The following LMTK2 variants were observed in gnomAD, a reference collection of about 807,000 sequenced individuals.
LMTK2 encodes the protein lemur tail kinase 2.
In LMTK2, 37 loss-of-function variants were observed where a neutral mutation model predicts 127.5. The ratio of observed to expected loss-of-function variants is 0.29; its 90% CI spans 0.22 to 0.38. The LOEUF is 0.38. Ranked by LOEUF, LMTK2 falls within the 10% of genes least tolerant of loss-of-function variation. The pLI is 1.00. For missense variants in LMTK2, 1,694 were observed against 1,920.3 expected (o/e 0.88, Z 2.20); for synonymous variants, 819 against 810.1 (o/e 1.01, Z -0.19).
chr7:98,153,276 A>G (rs907957822), intron 4 of LMTK2, among the ~76,000 whole-genome samples: 1 of 152,164 alleles, frequency 6.6e-6, no homozygotes, highest in African/African-American at 2.4e-5. Context: ...AGTGGAAACC[A>G]GGGGGAGGCT....
chr7:98,192,193 G>A lies in LMTK2; in HGVS notation c.1728G>A (p.Met576Ile), dbSNP rs1036273564. ...CACCAGCGCTGCTCACAACCGACAT[G>A]GATAATCCAGAAAGGACTGGCCCTG... is the stretch of plus-strand genomic sequence containing the variant. ...DYPPALLTTD[M>I]DNPERTGPEL... The change falls in exon 11 of 14, where the codon ATG becomes ATA. Residue 576 changes from methionine (M) to isoleucine (I), a missense_variant. Met to Ile is a conservative substitution (Grantham distance 10). Around this residue, in one of 8 missense-constraint regions of LMTK2, gnomAD observed 527 missense variants for 539.8 expected, o/e 0.98. Transcript: ENST00000297293. 6.6e-7 allele frequency: 1 copy of A among 1,523,942 alleles called. No homozygotes were observed. Among genetic ancestry groups the A allele is most frequent in the South Asian group, 1.3e-5 (1 of 75,078 alleles). 94.4% of individuals were successfully genotyped at this position (1,523,942 alleles called of 1,614,324 possible).
At chr7:98,159,313 A>G in intron 5 of LMTK2, 25 bp from the exon 6 acceptor site, 9 of 1,496,266 alleles carry the variant, frequency 6.0e-6, no homozygotes, top group South Asian at 1.2e-5. Context: ...CTGATGAACA[A>G]TATTATGGCT....
intron 9 of LMTK2, among the ~76,000 whole-genome samples, chr7:98,188,913 A>G (rs1168048167): frequency 6.6e-6 from 1 of 151,910 alleles, no homozygotes; most frequent in East Asian, 1.9e-4. Context: ...GCCTTCTCCT[A>G]GCTCTTTTAT....
At chr7:98,153,644 G>A (rs58551784) in intron 4 of LMTK2, among the ~76,000 whole-genome samples, 8,078 of 152,180 alleles carry the variant, frequency 0.053, 632 homozygotes, top group East Asian at 0.36. Context: ...GGCCCAGGTG[G>A]GAAGGATCAC....
chr7:98,149,868 A>G (rs1562905988), intron 3 of LMTK2, among the ~76,000 whole-genome samples: 1 of 152,226 alleles, frequency 6.6e-6, no homozygotes. Flanking sequence ...GGGAGAAAAC[A>G]TTTGCAGATT....
In LMTK2 at chr7:98,161,783, C is replaced by T. The variant is rs188517978; in HGVS notation, c.657+2358C>T. ...AAAAAAAAGTTAGGACACAGAGATG[C>T]GCCCTCAGGTGACAAGGCAAGTCTG... is the stretch of plus-strand genomic sequence containing the variant. On this transcript the variant is annotated intron_variant, in intron 6 of 13. Coordinates refer to ENST00000297293, the MANE Select transcript of LMTK2 (RefSeq NM_014916.4). Among the ~76,000 whole-genome samples the T allele has an allele frequency of 7.9e-5, 12 of 152,204 alleles. No individual in the cohort carries two copies. In the East Asian group the frequency reaches 1.7e-3, roughly 22 times the overall value.
rs1042569341 is a variant in LMTK2 at position 98,146,710 on chromosome 7, A to G, written c.377-4672A>G. On this transcript the variant is annotated intron_variant, in intron 3 of 13. Coordinates refer to ENST00000297293, the MANE Select transcript of LMTK2 (RefSeq NM_014916.4). ...TTACATCTTTATACATTTTGTGCCT[A>G]TTAACACAGAGTTATAATTTTTTTA... Among the ~76,000 whole-genome samples the G allele has an allele frequency of 6.6e-5, 10 of 152,342 alleles. No individual in the cohort carries two copies. In the East Asian group the frequency reaches 7.7e-4, roughly 12 times the overall value.
intron 1 of LMTK2, among the ~76,000 whole-genome samples, chr7:98,129,702 G>A (rs187763241): frequency 6.6e-6 from 1 of 152,250 alleles, no homozygotes; most frequent in Admixed American, 6.5e-5. Flanking sequence ...GTTGGTTATG[G>A]TTTCTTTCTG....
At chr7:98,116,755 C>T (rs527784828) in intron 1 of LMTK2, among the ~76,000 whole-genome samples, 9 of 152,266 alleles carry the variant, frequency 5.9e-5, no homozygotes, top group Admixed American at 5.9e-4. Context: ...TGTTCAGTTT[C>T]TTTAATATTT....
chr7:98,192,549 A>G lies in LMTK2; in HGVS notation c.2084A>G (p.Asp695Gly). 6.2e-7 allele frequency: 1 copy of G among 1,612,800 alleles called. No homozygotes were observed. The highest frequency in any genetic ancestry group is 8.5e-7 in the Non-Finnish European group (1 of 1,179,758). The change falls in exon 11 of 14, where the codon GAC (aspartate) becomes GGC (glycine). Residue 695 changes from aspartate to glycine, a missense_variant. Asp to Gly is a moderately conservative substitution (Grantham distance 94, BLOSUM62 -1). Around this residue, in one of 8 missense-constraint regions of LMTK2, gnomAD observed 527 missense variants for 539.8 expected, o/e 0.98. Transcript: ENST00000297293. ...AAAGAAAAGCCCCGTAAGATTTTTGACAGTGAGCCTCTCTGCCTATCAGAT... is the reference window on the plus strand; with the variant it reads ...AAAGAAAAGCCCCGTAAGATTTTTGGCAGTGAGCCTCTCTGCCTATCAGAT... ...FEKEKPRKIF[D>G]SEPLCLSDNL...
intron 1 of LMTK2, among the ~76,000 whole-genome samples, chr7:98,127,515 G>A (rs1796460590): frequency 6.6e-6 from 1 of 152,148 alleles, no homozygotes; most frequent in Non-Finnish European, 1.5e-5. Context: ...AGAGGGTCTG[G>A]GCAAAACAGA....
At chr7:98,140,522 C>T (rs926380909) in intron 2 of LMTK2, among the ~76,000 whole-genome samples, 4 of 152,050 alleles carry the variant, frequency 2.6e-5, no homozygotes, top group Non-Finnish European at 5.9e-5. Context: ...ACTTATGCGT[C>T]ACATGGTTTT....
chr7:98,203,972 C>A lies in LMTK2; in HGVS notation c.4269C>A (p.Phe1423Leu). ...EGGGFEWDDD[F>L]SPDPFMSKTT... Reference sequence around the variant, plus strand: ...GTGGCTTTGAGTGGGATGATGACTTCTCCCCAGATCCTTTTATGTCAAAGA... The same window carrying A: ...GTGGCTTTGAGTGGGATGATGACTTATCCCCAGATCCTTTTATGTCAAAGA... Residue 1423 changes from phenylalanine (F) to leucine (L), a missense_variant, in exon 13 of 14, where the codon TTC becomes TTA. Physicochemically the swap from Phe to Leu is conservative, Grantham distance 22 (BLOSUM62 0). Around this residue, in one of 8 missense-constraint regions of LMTK2, gnomAD observed 554 missense variants for 567.7 expected, o/e 0.98. Transcript: ENST00000297293. The A allele has an allele frequency of 6.2e-7, 1 of 1,614,076 alleles. No individual in the cohort carries two copies.
Position 98,107,298 on chromosome 7 carries a change from G to A in LMTK2, c.103+18G>A. The A allele has an allele frequency of 7.5e-7, 1 of 1,333,780 alleles. No individual in the cohort carries two copies. Among genetic ancestry groups the A allele is most frequent in the Non-Finnish European group, 9.6e-7 (1 of 1,044,326 alleles). The allele number at this position is 1,333,780 out of a possible 1,614,324, so 82.6% of individuals were successfully genotyped here. A position where few individuals can be genotyped will look rare whatever the true frequency, so the allele number is the denominator to read the frequency against. On this transcript the variant is annotated intron_variant, in intron 1 of 13. Coordinates refer to ENST00000297293, the MANE Select transcript of LMTK2 (RefSeq NM_014916.4). ...AGGTGCAGGTGAGCGGGCCCGCGGC[G>A]GGGACGGGGCTGCGGGGTCTTCGGC...
At chr7:98,195,029 G>T (rs929917827) in intron 11 of LMTK2, among the ~76,000 whole-genome samples, 1 of 151,802 alleles carries the variant, frequency 6.6e-6, no homozygotes, top group Non-Finnish European at 1.5e-5. Flanking sequence ...CTAAGGTTTT[G>T]GTGTTTTTTT....
At chr7:98,141,611 A>G (rs1796701498) in intron 3 of LMTK2, 70 bp downstream of exon 3, 1 of 1,436,226 alleles carries the variant, frequency 7.0e-7, no homozygotes, top group Admixed American at 1.8e-5. Flanking sequence ...GAGCCTAGCC[A>G]TCATAAATAT....
intron 5 of LMTK2, among the ~76,000 whole-genome samples, chr7:98,156,992 A>G (rs1280504323): frequency 6.6e-6 from 1 of 152,180 alleles, no homozygotes; most frequent in Admixed American, 6.5e-5. Context: ...TCAGGTCTAT[A>G]ATCCTAGCCT....
intron 1 of LMTK2, among the ~76,000 whole-genome samples, chr7:98,136,567 T>G (rs2116358008): frequency 6.6e-6 from 1 of 152,320 alleles, no homozygotes; most frequent in East Asian, 1.9e-4. Flanking sequence ...TGGGCCAGCA[T>G]TGCTTTCGAG....
At position 98,122,066 on chromosome 7, in the gene LMTK2, A is replaced by G. The variant is rs561624842; in HGVS notation, c.103+14786A>G. Among the ~76,000 whole-genome samples the G allele has an allele frequency of 3.3e-5, 5 of 152,344 alleles. No homozygotes were observed. In the South Asian group the frequency reaches 1.0e-3, roughly 32 times the overall value. On this transcript the variant is annotated intron_variant, in intron 1 of 13. Coordinates refer to ENST00000297293, the MANE Select transcript of LMTK2 (RefSeq NM_014916.4). ...TCTACCTATGAGATGACATTATACC[A>G]TTTAATTAAAGGTAATAAAAATGTT...
Sources: gnomAD v4.1 joint callset for allele counts (sites outside exome capture counted in the v4.1 genomes callset) on GRCh38, gnomAD v4.1.1 for gene constraint, gnomAD v4.1.1 regional missense constraint, MANE v1.5 for transcripts, NCBI Gene and HGNC (gene_info 2026-07-23, HGNC 2026-07-21) for gene names.